The following PRKG1 variants were observed in gnomAD, a reference collection of about 807,000 sequenced individuals.
PRKG1 encodes the protein protein kinase cGMP-dependent 1, also known as cGMP-dependent protein kinase 1.
Under a neutral mutation model 88.1 loss-of-function variants are expected in PRKG1, and 35 were observed. The observed-to-expected ratio is 0.40, with a 90% CI of 0.30 to 0.53. The LOEUF (loss-of-function observed/expected upper bound fraction) is 0.53. Among genes scored for constraint, PRKG1 ranks in the 20% least tolerant of loss-of-function variants. The pLI is 0.59. For missense variants in PRKG1, 540 were observed against 839.8 expected, an observed-to-expected ratio of 0.64 and a Z score of 4.41; for synonymous variants, 303 against 292.5, an observed-to-expected ratio of 1.04 and a Z score of -0.37.
chr10:51,396,187 A>T (rs1231096121), intron 2 of PRKG1, among the ~76,000 whole-genome samples: 1 of 152,156 alleles, frequency 6.6e-6, no homozygotes, highest in Non-Finnish European at 1.5e-5. Flanking sequence ...GGAGTTTGAG[A>T]TCAGCCTGGG....
At chr10:51,699,227 G>A in intron 3 of PRKG1, 3 of 1,614,066 alleles carry the variant, frequency 1.9e-6, no homozygotes, top group Non-Finnish European at 2.5e-6. Context: ...AATAATGGGC[G>A]CTGCAGGCCC....
chr10:52,045,285 A>G (rs775231214), intron 5 of PRKG1, among the ~76,000 whole-genome samples: 16 of 151,944 alleles, frequency 1.1e-4, no homozygotes, highest in Non-Finnish European at 1.8e-4. Context: ...TGATTTATAG[A>G]GCAACCTAAG....
At chr10:52,038,577 C>T (rs1267904573) in intron 5 of PRKG1, among the ~76,000 whole-genome samples, 1 of 151,996 alleles carries the variant, frequency 6.6e-6, no homozygotes, top group African/African-American at 2.4e-5. Context: ...TTGAGGGGTA[C>T]TTGCCCCTCC....
rs1400010239 is a variant in PRKG1 at position 51,435,421 on chromosome 10, C to CTGACATATATATATATATATATGTCATA, written c.479-32283_479-32256dup. On this transcript the variant is annotated intron_variant, in intron 2 of 17. Transcript: ENST00000373980. ...CACCCAGGGACACCAAGGGACATTA[C>CTGACATATATATATATATATATGTCATA]TGACATATATATATATATATATGTC... Among the ~76,000 whole-genome samples the CTGACATATATATATATATATATGTCATA allele has an allele frequency of 6.9e-4, 35 of 50,656 alleles. 1 individual carries two copies. The highest frequency in any genetic ancestry group is 2.3e-3 in the Admixed American group (16 of 6,816). 33.2% of individuals were successfully genotyped at this position (50,656 alleles called of 152,430 possible). A position where few individuals can be genotyped will look rare whatever the true frequency, so the allele number is the denominator to read the frequency against.
intron 3 of PRKG1, among the ~76,000 whole-genome samples, chr10:51,660,954 T>G (rs1451157170): frequency 2.0e-5 from 3 of 152,128 alleles, no homozygotes; most frequent in African/African-American, 7.2e-5. Context: ...CAAGGAAATA[T>G]AAATGTTTTA....
intron 2 of PRKG1, among the ~76,000 whole-genome samples, chr10:51,365,116 G>A (rs1842562612): frequency 6.6e-6 from 1 of 151,850 alleles, no homozygotes; most frequent in Non-Finnish European, 1.5e-5. Flanking sequence ...TCTGTCGGGT[G>A]ACAGAATTAA....
intron 4 of PRKG1, among the ~76,000 whole-genome samples, chr10:51,839,317 G>A (rs1840209199): frequency 6.6e-6 from 1 of 152,148 alleles, no homozygotes; most frequent in Non-Finnish European, 1.5e-5. Context: ...CATATTCAAA[G>A]TGACAGTGGG....
At chr10:51,312,344 C>T (rs1841210154) in intron 2 of PRKG1, among the ~76,000 whole-genome samples, 2 of 152,168 alleles carry the variant, frequency 1.3e-5, no homozygotes, top group South Asian at 4.1e-4. Flanking sequence ...TCTCACTCAA[C>T]ATTATTTTAC....
chr10:51,945,995 G>A (rs1478271033), intron 5 of PRKG1, among the ~76,000 whole-genome samples: 2 of 151,236 alleles, frequency 1.3e-5, no homozygotes, highest in African/African-American at 4.9e-5. Flanking sequence ...GAATCTGAAT[G>A]TTGGCCTGCC....
Position 51,633,432 on chromosome 10 carries a change from A to G in PRKG1, c.592+165596A>G, listed in dbSNP as rs1839574068. 2.6e-5 allele frequency among the ~76,000 whole-genome samples: 4 copies of G among 151,876 alleles called. No individual in the cohort carries two copies. In the South Asian group the frequency reaches 6.2e-4, roughly 24 times the overall value. ...AAGCATTGCAAACTCAAAAGCACAT[A>G]TAAATCAAGTCACTTAAAATAATGG... On this transcript the variant is annotated intron_variant, in intron 3 of 17. Transcript: ENST00000373980.
Position 51,651,579 on chromosome 10 carries a change from T to A in PRKG1, c.593-153006T>A, listed in dbSNP as rs188939150. Among the ~76,000 whole-genome samples, 528 of 131,380 alleles carry A rather than the reference T, an allele frequency of 4.0e-3. 3 individuals are homozygous for A. Among genetic ancestry groups the A allele is most frequent in the African/African-American group, 0.013 (512 of 38,522 alleles). The allele number at this position is 131,380 out of a possible 152,430, so 86.2% of individuals were successfully genotyped here. On this transcript the variant is annotated intron_variant, in intron 3 of 17. Transcript: ENST00000373980. ...ATGATTGGCACAAAAATTTTACAGATCTTACTTTTTTTTTTTTTTAATTTA... is the reference window on the plus strand; with the variant it reads ...ATGATTGGCACAAAAATTTTACAGAACTTACTTTTTTTTTTTTTTAATTTA...
rs548219592 is a variant in PRKG1, at chr10:51,588,388, C to T, written c.592+120552C>T. Among the ~76,000 whole-genome samples, 26 of 152,150 alleles carry T rather than the reference C, an allele frequency of 1.7e-4. No individual in the cohort carries two copies. The South Asian group carries it at 5.2e-3, about 30-fold the overall frequency. Reference sequence around the variant, plus strand: ...ATATAAAAAGGCCTGCAGTTTTAAACGCAATTTCCTGAGCCCTATCTCTAG... The same window carrying T: ...ATATAAAAAGGCCTGCAGTTTTAAATGCAATTTCCTGAGCCCTATCTCTAG... On this transcript the variant is annotated intron_variant, in intron 3 of 17. Coordinates refer to ENST00000373980, the MANE Select transcript of PRKG1 (RefSeq NM_006258.4).
At chr10:52,119,429 G>A (rs1426227630) in intron 7 of PRKG1, among the ~76,000 whole-genome samples, 3 of 152,180 alleles carry the variant, frequency 2.0e-5, no homozygotes, top group Non-Finnish European at 4.4e-5. Context: ...ATTCTGATGA[G>A]AGAACACAGT....
chr10:52,268,908 T>C lies in PRKG1; in HGVS notation c.1174-2442T>C, dbSNP rs578183709. Among the ~76,000 whole-genome samples, 8 of 152,102 alleles carry C rather than the reference T, an allele frequency of 5.3e-5. No individual in the cohort carries two copies. In the South Asian group the frequency reaches 1.2e-3, roughly 24 times the overall value. ...ATCATAATAACTGTGGTATCTGGTA[T>C]TATCCTCAGCTAGAACTAGGGCTCA... On this transcript the variant is annotated intron_variant, in intron 10 of 17. Transcript: ENST00000373980.
At chr10:51,310,244 C>G (rs975052082) in intron 2 of PRKG1, among the ~76,000 whole-genome samples, 1 of 152,088 alleles carries the variant, frequency 6.6e-6, no homozygotes, top group African/African-American at 2.4e-5. Flanking sequence ...TAAATTTAAA[C>G]CCCCCAAAAA....
At chr10:51,822,533 T>G (rs1839776231) in intron 4 of PRKG1, among the ~76,000 whole-genome samples, 1 of 152,138 alleles carries the variant, frequency 6.6e-6, no homozygotes, top group African/African-American at 2.4e-5. Flanking sequence ...GATTGTCTTG[T>G]GCAATTTTTG....
intron 3 of PRKG1, among the ~76,000 whole-genome samples, chr10:51,662,606 T>A (rs1296311700): frequency 6.6e-6 from 1 of 152,124 alleles, no homozygotes; most frequent in Non-Finnish European, 1.5e-5. Context: ...GTTTCCCAAC[T>A]CACTTTCTTT....
rs1448419716 is a variant in PRKG1, at chr10:52,294,007, G to A, written c.*107G>A. 9.4e-6 allele frequency: 8 copies of A among 849,410 alleles called. No homozygotes were observed. The East Asian group carries it at 1.8e-4, about 19-fold the overall frequency. The allele number at this position is 849,410 out of a possible 1,614,324, so 52.6% of individuals were successfully genotyped here. A position where few individuals can be genotyped will look rare whatever the true frequency, so the allele number is the denominator to read the frequency against. ...GAAGATTAGTGCTCGGGGTCACCATGATGCCTTTGATCGATGCTGCTCCAG... is the reference window on the plus strand; with the variant it reads ...GAAGATTAGTGCTCGGGGTCACCATAATGCCTTTGATCGATGCTGCTCCAG... On this transcript the variant is annotated 3_prime_UTR_variant, in exon 18 of 18. Coordinates refer to ENST00000373980, the MANE Select transcript of PRKG1 (RefSeq NM_006258.4).
At chr10:51,526,532 C>T (rs1841888329) in intron 3 of PRKG1, among the ~76,000 whole-genome samples, 1 of 152,266 alleles carries the variant, frequency 6.6e-6, no homozygotes, top group African/African-American at 2.4e-5. Context: ...CCAATGTACC[C>T]TTCCCTAATC....
Sources: gnomAD v4.1 joint callset for allele counts (sites outside exome capture counted in the v4.1 genomes callset) on GRCh38, gnomAD v4.1.1 for gene constraint, MANE v1.5 for transcripts, NCBI Gene and HGNC (gene_info 2026-07-23, HGNC 2026-07-21) for gene names.